The following IFIT1 variants were observed in gnomAD, a reference collection of about 807,000 sequenced individuals.
IFIT1 encodes the protein antiviral innate immune response effector IFIT1.
IFIT1 carries 1 observed loss-of-function variant against 2.5 expected under a neutral mutation model. The ratio of observed to expected loss-of-function variants is 0.40; its 90% confidence interval spans 0.14 to 1.92. The LOEUF is 1.92. Among genes scored for constraint, IFIT1 ranks in the 40% most tolerant of loss-of-function variants. The pLI is 0.31. For synonymous variants in IFIT1, 191 were observed against 201.7 expected (o/e 0.95, Z 0.45); for missense variants, 508 against 557.8 (o/e 0.91, Z 0.90).
rs1321087161 is a variant in IFIT1, at chr10:89,402,899, G to T, written c.624G>T (p.Gln208His). The T allele has an allele frequency of 6.2e-7, 1 of 1,614,198 alleles. No individual in the cohort carries two copies. Among genetic ancestry groups the T allele is most frequent in the Non-Finnish European group, 8.5e-7 (1 of 1,180,040 alleles). The part of the protein sequence containing the change: ...HKPFSLLPLR[Q>H]AVRLNPDNGY... ...CATTTTCTTTGCTTCCCCTAAGGCA[G>T]GCTGTCCGCTTAAATCCAGACAATG... Residue 208 changes from glutamine to histidine, a missense_variant, in exon 2 of 2, where the codon CAG becomes CAT. Coordinates refer to ENST00000371804, the MANE Select transcript of IFIT1 (RefSeq NM_001548.5).
intron 1 of IFIT1, among the ~76,000 whole-genome samples, chr10:89,399,888 A>T (rs1238320966): frequency 6.6e-6 from 1 of 152,220 alleles, no homozygotes; most frequent in East Asian, 1.9e-4. Context: ...TGTGCCACTG[A>T]GGAAAGGCCA....
intron 1 of IFIT1, among the ~76,000 whole-genome samples, chr10:89,395,388 G>A (rs1844327401): frequency 6.6e-6 from 1 of 152,148 alleles, no homozygotes; most frequent in Admixed American, 6.5e-5. Flanking sequence ...TGTCCTCAAT[G>A]GCTCCCCCTT....
In IFIT1 at chr10:89,402,283, C is replaced by T. The variant is rs138953644; in HGVS notation, c.8C>T (p.Thr3Ile). The change falls in exon 2 of 2, where the codon ACA becomes ATA. Residue 3 changes from threonine (T) to isoleucine (I), a missense_variant and splice_region_variant. Thr to Ile is a moderately conservative substitution (Grantham distance 89). Transcript: ENST00000371804. MS[T>I]NGDDHQVKDS... ...AAAATCTGTTTTTGTTTTTACAGTA[C>T]AAATGGTGATGATCATCAGGTCAAG... The T allele has an allele frequency of 6.2e-7, 1 of 1,601,380 alleles. No individual in the cohort carries two copies. The highest frequency in any genetic ancestry group is 1.1e-5 in the South Asian group (1 of 89,536).
At chr10:89,393,717 G>A (rs1056030051) in intron 1 of IFIT1, among the ~76,000 whole-genome samples, 8 of 152,164 alleles carry the variant, frequency 5.3e-5, no homozygotes, top group Non-Finnish European at 1.2e-4. Flanking sequence ...GCAACAGAGC[G>A]AGACTCCGTC....
intron 1 of IFIT1, among the ~76,000 whole-genome samples, chr10:89,394,694 A>T (rs998844502): frequency 6.7e-6 from 1 of 150,188 alleles, no homozygotes; most frequent in Non-Finnish European, 1.5e-5. Context: ...GTAAAATAAA[A>T]TTTATCATTT....
rs1367600032 is a variant in IFIT1, at chr10:89,404,718, G to A, written c.*1006G>A. 1.3e-5 allele frequency: 2 copies of A among 152,224 alleles called. No individual in the cohort carries two copies. Among genetic ancestry groups the A allele is most frequent in the Non-Finnish European group, 2.9e-5 (2 of 68,052 alleles). 9.4% of individuals were successfully genotyped at this position (152,224 alleles called of 1,614,324 possible). On this transcript the variant is annotated 3_prime_UTR_variant, in exon 2 of 2. Transcript: ENST00000371804. ...GCCTGTAATCTCAGCACTTCGATGG[G>A]ACGAGGCAGGCAGATCACCTGAACC... is the stretch of plus-strand genomic sequence containing the variant.
chr10:89,395,855 G>T (rs886551565), intron 1 of IFIT1, among the ~76,000 whole-genome samples: 1 of 151,804 alleles, frequency 6.6e-6, no homozygotes, highest in Admixed American at 6.6e-5. Flanking sequence ...TTTTGGATCA[G>T]TTTTTTTCAT....
intron 1 of IFIT1, among the ~76,000 whole-genome samples, chr10:89,394,694 A>G (rs998844502): frequency 6.7e-6 from 1 of 150,188 alleles, no homozygotes. Context: ...GTAAAATAAA[A>G]TTTATCATTT....
In IFIT1 at chr10:89,403,187, G is replaced by A. The variant is rs1408085801; in HGVS notation, c.912G>A (p.Glu304=). The change falls in exon 2 of 2, where the codon GAG becomes GAA. Residue 304 remains glutamate, a synonymous_variant. Coordinates refer to ENST00000371804, the MANE Select transcript of IFIT1 (RefSeq NM_001548.5). The part of the protein sequence containing the change: ...CYKAQMIQIK[E]ATKGQPRGQN... ...AGGCACAAATGATCCAAATCAAGGA[G>A]GCTACAAAAGGGCAGCCTAGAGGGC... 3 of 1,614,084 alleles carry A rather than the reference G, an allele frequency of 1.9e-6. No homozygotes were observed. The highest frequency in any genetic ancestry group is 1.6e-4 in the Middle Eastern group (1 of 6,062).
rs765731245 is a variant in IFIT1, at chr10:89,403,356, G to A, written c.1081G>A (p.Glu361Lys). ...AGCAGGCAATCACAGAAAAGCTGAA[G>A]AGAATTTTCAAAAATTGTTATGCAT... ...IEAGNHRKAE[E>K]NFQKLLCMKP... Residue 361 changes from glutamate to lysine, a missense_variant, in exon 2 of 2, where the codon GAG becomes AAG. Transcript: ENST00000371804. 52 of 1,612,992 alleles carry A rather than the reference G, an allele frequency of 3.2e-5. No homozygotes were observed. The South Asian group carries it at 5.5e-4, about 17-fold the overall frequency.
At chr10:89,401,454 G>T (rs964045436) in intron 1 of IFIT1, among the ~76,000 whole-genome samples, 51 of 152,080 alleles carry the variant, frequency 3.4e-4, no homozygotes, top group African/African-American at 1.2e-3. Flanking sequence ...AAATTACAGA[G>T]ATGAAGAACA....
intron 1 of IFIT1, among the ~76,000 whole-genome samples, chr10:89,401,781 A>G (rs1011607597): frequency 5.2e-5 from 3 of 57,910 alleles, no homozygotes; most frequent in Admixed American, 1.5e-4. Flanking sequence ...TTCCAAGTAA[A>G]AAAAAAATGA....
In IFIT1 at chr10:89,402,947, C is replaced by T; in HGVS notation, c.672C>T (p.Ala224=). The T allele has an allele frequency of 6.2e-7, 1 of 1,614,082 alleles. No individual in the cohort carries two copies. The highest frequency in any genetic ancestry group is 8.5e-7 in the Non-Finnish European group (1 of 1,180,018). ...ATGGATATATTAAGGTTCTCCTTGC[C>T]CTGAAGCTTCAGGATGAAGGACAGG... The part of the protein sequence containing the change: ...PDNGYIKVLL[A]LKLQDEGQEA... The change falls in exon 2 of 2, where the codon GCC becomes GCT. Residue 224 remains alanine, a synonymous_variant. Coordinates refer to ENST00000371804, the MANE Select transcript of IFIT1 (RefSeq NM_001548.5).
rs1005534310 is a variant in IFIT1 at position 89,403,431 on chromosome 10, C to T, written c.1156C>T (p.Arg386Trp). 1.9e-6 allele frequency: 3 copies of T among 1,613,712 alleles called. No homozygotes were observed. Among genetic ancestry groups the T allele is most frequent in the Non-Finnish European group, 2.5e-6 (3 of 1,179,886 alleles). ...TMQDIHFHYG[R>W]FQEFQKKSDV... ...GCAAGACATACATTTCCACTATGGTCGGTTTCAGGAATTTCAAAAGAAATC... is the reference window on the plus strand; with the variant it reads ...GCAAGACATACATTTCCACTATGGTTGGTTTCAGGAATTTCAAAAGAAATC... The change falls in exon 2 of 2, where the codon CGG becomes TGG. Residue 386 changes from arginine (R) to tryptophan (W), a missense_variant. By Grantham distance (101) the Arg-to-Trp change is moderately radical. Coordinates refer to ENST00000371804, the MANE Select transcript of IFIT1 (RefSeq NM_001548.5).
In IFIT1 at chr10:89,402,973, A is replaced by T; in HGVS notation, c.698A>T (p.Glu233Val). Residue 233 changes from glutamate (E) to valine (V), a missense_variant, in exon 2 of 2, where the codon GAA (glutamate) becomes GTA (valine). Transcript: ENST00000371804. ...CTGAAGCTTCAGGATGAAGGACAGG[A>T]AGCTGAAGGAGAAAAGTACATTGAA... ...LALKLQDEGQ[E>V]AEGEKYIEEA... The T allele has an allele frequency of 6.2e-7, 1 of 1,614,126 alleles. No homozygotes were observed. The highest frequency in any genetic ancestry group is 8.5e-7 in the Non-Finnish European group (1 of 1,180,032).
intron 1 of IFIT1, among the ~76,000 whole-genome samples, chr10:89,397,237 T>C (rs1311827460): frequency 1.1e-4 from 17 of 152,184 alleles, no homozygotes; most frequent in Admixed American, 1.1e-3. Flanking sequence ...TTCTTGAGTA[T>C]ACATCCTTAT....
At chr10:89,402,154 A>G (rs528514654) in intron 1 of IFIT1, 127 bp from the exon 2 acceptor site, 2 of 654,384 alleles carry the variant, frequency 3.1e-6, no homozygotes, top group South Asian at 4.0e-5. Context: ...AAAATACATT[A>G]ACTTTAATGA....
intron 1 of IFIT1, among the ~76,000 whole-genome samples, chr10:89,401,984 A>G (rs1036742083): frequency 8.5e-5 from 13 of 152,200 alleles, no homozygotes; most frequent in African/African-American, 2.7e-4. Context: ...CTTGACACAT[A>G]TAAGTTTATT....
rs780632059 is a variant in IFIT1, at chr10:89,402,644, C to T, written c.369C>T (p.Asn123=). The T allele has an allele frequency of 3.7e-6, 6 of 1,614,098 alleles. No homozygotes were observed. In the East Asian group the frequency reaches 1.1e-4, roughly 30 times the overall value. Residue 123 remains asparagine, a synonymous_variant, in exon 2 of 2, where the codon AAC becomes AAT. Coordinates refer to ENST00000371804, the MANE Select transcript of IFIT1 (RefSeq NM_001548.5). ...EAQTYLDKVE[N]ICKKLSNPFR... is the part of the protein sequence containing the mutation. The stretch of plus-strand genomic sequence containing the variant: ...AGACTTACCTGGACAAGGTGGAGAA[C>T]ATTTGCAAGAAGCTTTCAAATCCCT...
Sources: gnomAD v4.1 joint callset for allele counts (sites outside exome capture counted in the v4.1 genomes callset) on GRCh38, gnomAD v4.1.1 for gene constraint, MANE v1.5 for transcripts, NCBI Gene and HGNC (gene_info 2026-07-23, HGNC 2026-07-21) for gene names.